The following CHRNB2 variants were observed in gnomAD, a reference collection of about 807,000 sequenced individuals.
CHRNB2 encodes the protein neuronal acetylcholine receptor subunit beta-2.
In CHRNB2, 33 loss-of-function variants were observed where a neutral mutation model predicts 42.7. That is an observed-to-expected ratio of 0.77 (90% CI 0.59 to 1.03). CHRNB2 has a LOEUF of 1.03. CHRNB2 is among the 50% of genes least tolerant of loss of function. The pLI is 0.00. For missense variants in CHRNB2, 603 were observed against 700.9 expected, an observed-to-expected ratio of 0.86 and a Z score of 1.58; for synonymous variants, 325 against 292.9, an observed-to-expected ratio of 1.11 and a Z score of -1.12.
In CHRNB2 at chr1:154,576,470, C is replaced by T. The variant is rs4292956; in HGVS notation, c.*538C>T. On this transcript the variant is annotated 3_prime_UTR_variant, in exon 6 of 6. Transcript: ENST00000368476. ...ACTGGGTGGGCCCCACAGTGGTCAG[C>T]GATTCCTGCCAAGTAGGGTTTAGCC... 0.069 allele frequency: 14,250 copies of T among 206,726 alleles called. 570 individuals are homozygous for T. Among genetic ancestry groups the T allele is most frequent in the East Asian group, 0.16 (1,389 of 8,498 alleles). 12.8% of individuals were successfully genotyped at this position (206,726 alleles called of 1,614,324 possible). A position where few individuals can be genotyped will look rare whatever the true frequency, so the allele number is the denominator to read the frequency against.
chr1:154,568,025 C>G lies in CHRNB2; in HGVS notation c.-20C>G. On this transcript the variant is annotated 5_prime_UTR_variant, in exon 1 of 6. Coordinates refer to ENST00000368476, the MANE Select transcript of CHRNB2 (RefSeq NM_000748.3). The stretch of plus-strand genomic sequence containing the variant: ...CGCGCTCCAGCCGGTGTAGGCGAGG[C>G]AGCGAGCTATGCCCGCGGCATGGCC... The G allele has an allele frequency of 1.3e-6, 2 of 1,565,164 alleles. No individual in the cohort carries two copies. Among genetic ancestry groups the G allele is most frequent in the South Asian group, 2.3e-5 (2 of 85,210 alleles).
In CHRNB2 at chr1:154,568,014, T is replaced by G. The variant is rs760091611; in HGVS notation, c.-31T>G. 1.9e-6 allele frequency: 3 copies of G among 1,544,790 alleles called. No individual in the cohort carries two copies. Among genetic ancestry groups the G allele is most frequent in the African/African-American group, 2.8e-5 (2 of 72,392 alleles). On this transcript the variant is annotated 5_prime_UTR_variant, in exon 1 of 6. Coordinates refer to ENST00000368476, the MANE Select transcript of CHRNB2 (RefSeq NM_000748.3). ...CCCCCCGGCGGCGCGCTCCAGCCGG[T>G]GTAGGCGAGGCAGCGAGCTATGCCC...
chr1:154,574,462 GC>G (rs1696233512), intron 5 of CHRNB2, among the ~76,000 whole-genome samples: 1 of 152,148 alleles, frequency 6.6e-6, no homozygotes, highest in South Asian at 2.1e-4. Context: ...CAGTTCCTCA[GC>G]TTTGTCTTTC....
intron 3 of CHRNB2, 120 bp downstream of exon 3, chr1:154,569,956 C>A: frequency 8.6e-7 from 1 of 1,160,126 alleles, no homozygotes; most frequent in Non-Finnish European, 1.3e-6. Flanking sequence ...GTTTGGAGTC[C>A]TAAACAATTG....
In CHRNB2 at chr1:154,577,756, A is replaced by G. The variant is rs1338787158; in HGVS notation, c.*1824A>G. On this transcript the variant is annotated 3_prime_UTR_variant, in exon 6 of 6. Transcript: ENST00000368476. ...AAGAGCTGGGGGAGCTGGGAGGAACATTACAGGAACACCAGAGGGAGTCTA... is the reference window on the plus strand; with the variant it reads ...AAGAGCTGGGGGAGCTGGGAGGAACGTTACAGGAACACCAGAGGGAGTCTA... The G allele has an allele frequency of 1.3e-5, 2 of 152,252 alleles. No homozygotes were observed. The highest frequency in any genetic ancestry group is 2.9e-5 in the Non-Finnish European group (2 of 68,090). 9.4% of individuals were successfully genotyped at this position (152,252 alleles called of 1,614,324 possible). A position where few individuals can be genotyped will look rare whatever the true frequency, so the allele number is the denominator to read the frequency against.
At chr1:154,570,942 A>G (rs1696151565) in intron 4 of CHRNB2, among the ~76,000 whole-genome samples, 1 of 150,102 alleles carries the variant, frequency 6.7e-6, no homozygotes, top group Non-Finnish European at 1.5e-5. Flanking sequence ...ACCCCCTTCT[A>G]CCTGCAAGGT....
chr1:154,578,954 T>C lies in CHRNB2; in HGVS notation c.*3022T>C, dbSNP rs1412960600. ...AAGGCCACAGGTGATCTGAGAACTA[T>C]TTTTGTCTGAAAAGAAGGCATGCAC... On this transcript the variant is annotated 3_prime_UTR_variant, in exon 6 of 6. Transcript: ENST00000368476. 6.6e-6 allele frequency: 1 copy of C among 152,256 alleles called. No individual in the cohort carries two copies. The highest frequency in any genetic ancestry group is 3.2e-3 in the Middle Eastern group (1 of 316). The allele number at this position is 152,256 out of a possible 1,614,324, so 9.4% of individuals were successfully genotyped here. A position where few individuals can be genotyped will look rare whatever the true frequency, so the allele number is the denominator to read the frequency against.
chr1:154,574,841 C>G (rs1696241487), intron 5 of CHRNB2, among the ~76,000 whole-genome samples: 1 of 152,158 alleles, frequency 6.6e-6, no homozygotes, highest in Non-Finnish European at 1.5e-5. Flanking sequence ...CAGCTGCTGA[C>G]TAAATAAAGA....
At chr1:154,574,961 G>A (rs547619583) in intron 5 of CHRNB2, among the ~76,000 whole-genome samples, 51 of 152,320 alleles carry the variant, frequency 3.3e-4, no homozygotes, top group African/African-American at 1.0e-3. Context: ...GATGCTGGCC[G>A]TTTGTGCAAG....
In CHRNB2 at chr1:154,572,198, T is replaced by C. The variant is rs1363887005; in HGVS notation, c.1338+37T>C. The C allele has an allele frequency of 3.3e-6, 5 of 1,534,578 alleles. No individual in the cohort carries two copies. In the Admixed American group the frequency reaches 7.8e-5, roughly 24 times the overall value. ...AGGCTGGGACCCCGGGCGTGAGATA[T>C]GGGGTCTGCCAGGGCCCGGGTATCT... On this transcript the variant is annotated intron_variant, in intron 5 of 5. Transcript: ENST00000368476.
At chr1:154,569,202 T>C (rs1696116154) in intron 1 of CHRNB2, among the ~76,000 whole-genome samples, 1 of 151,930 alleles carries the variant, frequency 6.6e-6, no homozygotes, top group Non-Finnish European at 1.5e-5. Context: ...TCTCCATGAA[T>C]CCTTGCAGAG....
chr1:154,570,314 A>G lies in CHRNB2; in HGVS notation c.312A>G (p.Lys104=). Residue 104 remains lysine (K), a synonymous_variant, in exon 4 of 6, where the codon AAA becomes AAG. Transcript: ENST00000368476. ...WKPEEFDNMK[K]VRLPSKHIWL... ...CTGAAGAGTTTGACAACATGAAGAAAGTTCGGCTCCCTTCCAAACACATCT... is the reference window on the plus strand; with the variant it reads ...CTGAAGAGTTTGACAACATGAAGAAGGTTCGGCTCCCTTCCAAACACATCT... The G allele has an allele frequency of 6.2e-7, 1 of 1,612,904 alleles. No individual in the cohort carries two copies. Among genetic ancestry groups the G allele is most frequent in the East Asian group, 2.2e-5 (1 of 44,874 alleles).
chr1:154,572,891 C>T (rs1469804756), intron 5 of CHRNB2, among the ~76,000 whole-genome samples: 1 of 152,066 alleles, frequency 6.6e-6, no homozygotes, highest in African/African-American at 2.4e-5. Flanking sequence ...GAGACTGAGC[C>T]AAGAGTTGGG....
intron 5 of CHRNB2, among the ~76,000 whole-genome samples, chr1:154,572,685 T>C (rs1376954759): frequency 2.0e-5 from 3 of 151,308 alleles, no homozygotes; most frequent in Non-Finnish European, 4.4e-5. Flanking sequence ...GGGTTAGAGA[T>C]TCCAGGAGCC....
intron 5 of CHRNB2, among the ~76,000 whole-genome samples, chr1:154,575,028 A>G (rs1696244483): frequency 6.6e-6 from 1 of 152,070 alleles, no homozygotes; most frequent in African/African-American, 2.4e-5. Flanking sequence ...CGATTTGTTC[A>G]CATCTGGGAC....
chr1:154,572,067 G>C lies in CHRNB2; in HGVS notation c.1244G>C (p.Arg415Pro). The change falls in exon 5 of 6, where the codon CGC becomes CCC. Residue 415 changes from arginine (R) to proline (P), a missense_variant. Arg to Pro is a moderately radical substitution (Grantham distance 103). Transcript: ENST00000368476. Reference protein sequence around the residue: ...AEPAPVAGPGRSGEPCGCGLR... With the variant: ...AEPAPVAGPGPSGEPCGCGLR... Reference sequence around the variant, plus strand: ...CCTGCACCAGTGGCGGGCCCCGGGCGCTCAGGGGAGCCGTGTGGCTGTGGC... The same window carrying C: ...CCTGCACCAGTGGCGGGCCCCGGGCCCTCAGGGGAGCCGTGTGGCTGTGGC... The C allele has an allele frequency of 6.5e-7, 1 of 1,534,986 alleles. No individual in the cohort carries two copies. Among genetic ancestry groups the C allele is most frequent in the Non-Finnish European group, 8.7e-7 (1 of 1,146,032 alleles).
chr1:154,570,740 G>T (rs1262609262), intron 4 of CHRNB2, among the ~76,000 whole-genome samples: 1 of 152,068 alleles, frequency 6.6e-6, no homozygotes, highest in Non-Finnish European at 1.5e-5. Context: ...CCTGTCTCCT[G>T]CAATAATCCA....
chr1:154,569,056 G>A (rs918337798), intron 1 of CHRNB2, among the ~76,000 whole-genome samples: 1 of 151,654 alleles, frequency 6.6e-6, no homozygotes, highest in Non-Finnish European at 1.5e-5. Context: ...TGTGTGGTGG[G>A]ACACAAATAA....
intron 1 of CHRNB2, 108 bp from the exon 2 acceptor site, chr1:154,569,354 T>C: frequency 1.5e-6 from 2 of 1,297,558 alleles, no homozygotes; most frequent in East Asian, 4.8e-5. Flanking sequence ...CTTAGGGATG[T>C]AGGGAGATAC....
Sources: gnomAD v4.1 joint callset for allele counts (sites outside exome capture counted in the v4.1 genomes callset) on GRCh38, gnomAD v4.1.1 for gene constraint, MANE v1.5 for transcripts, NCBI Gene and HGNC (gene_info 2026-07-23, HGNC 2026-07-21) for gene names.